Variants in DPP10 observed in about 807,000 individuals in gnomAD.
DPP10 encodes inactive dipeptidyl peptidase 10.
In DPP10, 33 loss-of-function variants were observed where a neutral mutation model predicts 120.9. The observed-to-expected ratio is 0.27, with a 90% confidence interval of 0.21 to 0.37. The LOEUF (loss-of-function observed/expected upper bound fraction) is 0.37. Among genes scored for constraint, DPP10 ranks in the 10% least tolerant of loss-of-function variants. The pLI, the probability that DPP10 is intolerant of heterozygous loss-of-function variation, is 1.00. For synonymous variants in DPP10, 337 were observed against 326.1 expected, an observed-to-expected ratio of 1.03 and a Z score of -0.36; for missense variants, 816 against 942.8, an observed-to-expected ratio of 0.87 and a Z score of 1.76.
intron 1 of DPP10, among the ~76,000 whole-genome samples, chr2:114,480,898 C>A (rs746385618): frequency 1.9e-4 from 29 of 150,580 alleles, no homozygotes; most frequent in Admixed American, 1.5e-3. Flanking sequence ...ACAAAAAAAA[C>A]AAAAAGTTTT....
chr2:115,039,161 A>G (rs1704449443), intron 1 of DPP10, among the ~76,000 whole-genome samples: 1 of 152,006 alleles, frequency 6.6e-6, no homozygotes, highest in Non-Finnish European at 1.5e-5. Flanking sequence ...GGAACTTAAC[A>G]TTTCTTGGTT....
chr2:115,394,162 A>G (rs1363868613), intron 3 of DPP10, among the ~76,000 whole-genome samples: 3 of 152,190 alleles, frequency 2.0e-5, no homozygotes, highest in African/African-American at 7.2e-5. Context: ...TTTAAGTGAG[A>G]CTGATGTAAT....
intron 1 of DPP10, among the ~76,000 whole-genome samples, chr2:114,672,162 AT>A (rs1698386246): frequency 6.6e-6 from 1 of 152,196 alleles, no homozygotes; most frequent in Admixed American, 6.6e-5. Flanking sequence ...AATGCAAGAA[AT>A]TACTAAAGCC....
At chr2:115,175,744 G>A (rs566746056) in intron 1 of DPP10, among the ~76,000 whole-genome samples, 2 of 152,212 alleles carry the variant, frequency 1.3e-5, no homozygotes, top group South Asian at 2.1e-4. Flanking sequence ...GCTACACATG[G>A]CTATCATGTT....
At position 115,041,373 on chromosome 2, in the gene DPP10, G is replaced by A. The variant is rs564857560; in HGVS notation, c.61-267866G>A. ...CGATTTCTGGTATCTACTACTTGTA[G>A]CATATGAAACAAATAATCATTGGCT... On this transcript the variant is annotated intron_variant, in intron 1 of 25. Coordinates refer to ENST00000410059, the MANE Select transcript of DPP10 (RefSeq NM_020868.6). Among the ~76,000 whole-genome samples the A allele has an allele frequency of 8.6e-4, 131 of 152,218 alleles. 1 individual carries two copies. Among genetic ancestry groups the A allele is most frequent in the Middle Eastern group, 6.8e-3 (2 of 294 alleles).
At chr2:114,996,962 C>G (rs1574658112) in intron 1 of DPP10, among the ~76,000 whole-genome samples, 1 of 113,654 alleles carries the variant, frequency 8.8e-6, no homozygotes, top group South Asian at 2.8e-4. Context: ...AGCCTGGCGA[C>G]AGAGCAAGAC....
intron 1 of DPP10, among the ~76,000 whole-genome samples, chr2:115,221,585 TTTAGAGTA>T (rs1355922292): frequency 3.3e-5 from 5 of 152,120 alleles, no homozygotes; most frequent in African/African-American, 1.2e-4. Context: ...TGACCTCTTC[TTTAGAGTA>T]TTTTATGGGA....
At position 114,932,538 on chromosome 2, in the gene DPP10, A is replaced by G. The variant is rs1696155124; in HGVS notation, c.61-376701A>G. Among the ~76,000 whole-genome samples, 6 of 152,240 alleles carry G rather than the reference A, an allele frequency of 3.9e-5. No homozygotes were observed. In the South Asian group the frequency reaches 1.2e-3, roughly 32 times the overall value. ...ACAGACAATATTTTGAGTAAAAGAA[A>G]CACGACACAAAAGAATATGTATGTT... On this transcript the variant is annotated intron_variant, in intron 1 of 25. Coordinates refer to ENST00000410059, the MANE Select transcript of DPP10 (RefSeq NM_020868.6).
chr2:115,421,432 C>T (rs2069944110), intron 3 of DPP10, among the ~76,000 whole-genome samples: 1 of 152,162 alleles, frequency 6.6e-6, no homozygotes, highest in Non-Finnish European at 1.5e-5. Flanking sequence ...GCATATATTC[C>T]TGGAGTGTCA....
At chr2:114,523,075 T>C (rs1685206669) in intron 1 of DPP10, among the ~76,000 whole-genome samples, 1 of 152,178 alleles carries the variant, frequency 6.6e-6, no homozygotes. Context: ...GGAATTTGGG[T>C]ACCATGGTTA....
At chr2:114,781,991 TGTC>T (rs1292454064) in intron 1 of DPP10, among the ~76,000 whole-genome samples, 1 of 152,114 alleles carries the variant, frequency 6.6e-6, no homozygotes, top group Non-Finnish European at 1.5e-5. Context: ...ATTCTTTAAA[TGTC>T]GTACACAAAT....
chr2:114,690,854 T>C (rs1314026536), intron 1 of DPP10, among the ~76,000 whole-genome samples: 2 of 152,042 alleles, frequency 1.3e-5, no homozygotes, highest in African/African-American at 2.4e-5. Flanking sequence ...TCATTCATGA[T>C]TTGGCTCTCT....
At chr2:114,703,913 A>G (rs1700531320) in intron 1 of DPP10, among the ~76,000 whole-genome samples, 1 of 152,140 alleles carries the variant, frequency 6.6e-6, no homozygotes, top group Admixed American at 6.6e-5. Context: ...CAGCTATGAA[A>G]GAAAGAACCC....
At chr2:115,033,352 C>T (rs1703980390) in intron 1 of DPP10, among the ~76,000 whole-genome samples, 1 of 152,212 alleles carries the variant, frequency 6.6e-6, no homozygotes, top group African/African-American at 2.4e-5. Context: ...ATTGTTCTCT[C>T]CACTCTCCTG....
At chr2:114,457,658 G>A (rs1333457631) in intron 1 of DPP10, among the ~76,000 whole-genome samples, 1 of 152,136 alleles carries the variant, frequency 6.6e-6, no homozygotes, top group African/African-American at 2.4e-5. Flanking sequence ...CAAATCACAT[G>A]GAAGAACTGA....
intron 19 of DPP10, among the ~76,000 whole-genome samples, chr2:115,803,696 G>T (rs1299921357): frequency 1.3e-5 from 2 of 152,084 alleles, no homozygotes; most frequent in African/African-American, 4.8e-5. Flanking sequence ...ATGAAGCTCA[G>T]TTTGGCTGGA....
rs2052429684 is a variant in DPP10 at position 115,162,118 on chromosome 2, C to T, written c.61-147121C>T. On this transcript the variant is annotated intron_variant, in intron 1 of 25. Transcript: ENST00000410059. ...CCTCCCGCTTCCCAGGCTGGGCTCCCGCGCCTCCCTCTTCTCACCCTCCCC... is the reference window on the plus strand; with the variant it reads ...CCTCCCGCTTCCCAGGCTGGGCTCCTGCGCCTCCCTCTTCTCACCCTCCCC... 8.6e-6 allele frequency: 13 copies of T among 1,516,354 alleles called. No individual in the cohort carries two copies. The East Asian group carries it at 1.4e-4, about 16-fold the overall frequency. 93.9% of individuals were successfully genotyped at this position (1,516,354 alleles called of 1,614,324 possible).
chr2:115,743,378 C>A (rs1423365077), intron 9 of DPP10, among the ~76,000 whole-genome samples: 1 of 152,002 alleles, frequency 6.6e-6, no homozygotes, highest in East Asian at 1.9e-4. Context: ...TTGTGATAAG[C>A]TTATAGCGCT....
intron 5 of DPP10, among the ~76,000 whole-genome samples, chr2:115,681,707 A>ACCAT (rs1553478422): frequency 6.8e-6 from 1 of 147,752 alleles, no homozygotes; most frequent in Non-Finnish European, 1.5e-5. Flanking sequence ...CTGCCTTCCT[A>ACCAT]CCTTCCTTCC....
Sources: allele counts gnomAD v4.1 joint callset (sites outside exome capture counted in the v4.1 genomes callset), GRCh38; gene constraint gnomAD v4.1.1; transcripts MANE v1.5; gene names NCBI Gene and HGNC (gene_info 2026-07-23, HGNC 2026-07-21).